Variants in SORD observed in about 807,000 individuals in gnomAD.
The protein encoded by SORD is (R,R)-butanediol dehydrogenase.
In SORD, 18 loss-of-function variants were observed where a neutral mutation model predicts 35.6. The ratio of observed to expected loss-of-function variants is 0.51; its 90% CI spans 0.35 to 0.75. The LOEUF is 0.75. Ranked by LOEUF, SORD falls within the 30% of genes least tolerant of loss-of-function variation. SORD has a pLI of 0.01. For missense variants in SORD, 250 were observed against 390.2 expected (o/e 0.64, Z 3.03); for synonymous variants, 106 against 152.9 (o/e 0.69, Z 2.26).
rs187673626 is a variant in SORD, at chr15:45,060,206, A to G, written c.266-861A>G. ...AGAAGATAGACTGATGGAAGGAGAC[A>G]GAGATGAGACAGAGGGGTAGATGGA... On this transcript the variant is annotated intron_variant, in intron 3 of 8. Coordinates refer to ENST00000267814, the MANE Select transcript of SORD (RefSeq NM_003104.6). Among the ~76,000 whole-genome samples, 194 of 152,346 alleles carry G rather than the reference A, an allele frequency of 1.3e-3. 5 individuals carry two copies. Among genetic ancestry groups the G allele is most frequent in the East Asian group, 0.011 (56 of 5,188 alleles).
intron 1 of SORD, among the ~76,000 whole-genome samples, chr15:45,033,891 A>G (rs902977773): frequency 6.6e-6 from 1 of 151,808 alleles, no homozygotes; most frequent in Non-Finnish European, 1.5e-5. Context: ...ATATTTGGCT[A>G]TTATCTCTCC....
chr15:45,063,356 C>G (rs553302137), intron 4 of SORD, among the ~76,000 whole-genome samples: 4 of 152,176 alleles, frequency 2.6e-5, no homozygotes, highest in South Asian at 4.2e-4. Context: ...ACCAAGTTGC[C>G]TCATCACTCT....
chr15:45,062,374 C>T (rs1277707383), intron 4 of SORD, among the ~76,000 whole-genome samples: 12 of 152,286 alleles, frequency 7.9e-5, no homozygotes, highest in South Asian at 2.1e-4. Flanking sequence ...TTCTGCGTGG[C>T]CCCCCATGGC....
intron 2 of SORD, among the ~76,000 whole-genome samples, chr15:45,042,987 T>C (rs544871609): frequency 6.6e-6 from 1 of 151,826 alleles, no homozygotes; most frequent in South Asian, 2.1e-4. Flanking sequence ...GGTTTAAAAG[T>C]TAACCATGCC....
chr15:45,050,726 T>C (rs1893111737), intron 3 of SORD: 2 of 152,164 alleles, frequency 1.3e-5, no homozygotes, highest in Non-Finnish European at 1.5e-5. Context: ...TTGCCATAAA[T>C]CAAGAATACT....
Position 45,025,283 on chromosome 15 carries a change from C to T in SORD, c.66+1934C>T, listed in dbSNP as rs116557213. Among the ~76,000 whole-genome samples, 881 of 152,200 alleles carry T rather than the reference C, an allele frequency of 5.8e-3. 5 individuals carry two copies. Among genetic ancestry groups the T allele is most frequent in the African/African-American group, 0.019 (786 of 41,508 alleles). ...TCAGTTTGAGAATGGGAAGTGGTAG[C>T]GTCATTTACTAGTCAGAGTAGATTA... On this transcript the variant is annotated intron_variant, in intron 1 of 8. Coordinates refer to ENST00000267814, the MANE Select transcript of SORD (RefSeq NM_003104.6).
chr15:45,046,879 G>A (rs193194120), intron 3 of SORD, among the ~76,000 whole-genome samples: 35 of 152,224 alleles, frequency 2.3e-4, no homozygotes, highest in African/African-American at 5.1e-4. Flanking sequence ...TTAGCCAGAC[G>A]TGGTGGCATG....
At chr15:45,034,956 C>T (rs533332179) in intron 1 of SORD, among the ~76,000 whole-genome samples, 1 of 152,200 alleles carries the variant, frequency 6.6e-6, no homozygotes, top group Non-Finnish European at 1.5e-5. Flanking sequence ...GGTTCCCGGG[C>T]AATGAGGGGC....
intron 4 of SORD, among the ~76,000 whole-genome samples, chr15:45,061,844 G>A (rs139593259): frequency 2.6e-5 from 4 of 151,978 alleles, no homozygotes; most frequent in Non-Finnish European, 4.4e-5. Flanking sequence ...ACTCCAGCCT[G>A]GGCAACAGAC....
chr15:45,039,275 C>T (rs1267883742), intron 1 of SORD, among the ~76,000 whole-genome samples: 16 of 152,096 alleles, frequency 1.1e-4, no homozygotes, highest in Non-Finnish European at 2.2e-4. Flanking sequence ...ACTACAGGCG[C>T]GTGCCACCAC....
intron 1 of SORD, among the ~76,000 whole-genome samples, chr15:45,026,258 G>T (rs1299181471): frequency 6.6e-6 from 1 of 152,192 alleles, no homozygotes; most frequent in African/African-American, 2.4e-5. Context: ...GTAAACCAGA[G>T]ATAGCAACTA....
intron 1 of SORD, among the ~76,000 whole-genome samples, chr15:45,026,802 T>A (rs932795022): frequency 6.6e-6 from 1 of 152,244 alleles, no homozygotes; most frequent in African/African-American, 2.4e-5. Flanking sequence ...TTCCCACTGC[T>A]GCCATCCTAC....
At chr15:45,045,286 C>T (rs894956503) in intron 3 of SORD, among the ~76,000 whole-genome samples, 11 of 151,952 alleles carry the variant, frequency 7.2e-5, no homozygotes, top group Non-Finnish European at 1.6e-4. Context: ...GCCTGTAATC[C>T]CAGCACTTTG....
At position 45,031,311 on chromosome 15, in the gene SORD, AAAC is replaced by A. The variant is rs764353556; in HGVS notation, c.66+7972_66+7974del. 1.4e-3 allele frequency among the ~76,000 whole-genome samples: 124 copies of A among 88,316 alleles called. 1 individual carries two copies. The highest frequency in any genetic ancestry group is 4.8e-3 in the African/African-American group (22 of 4,590). The allele number at this position is 88,316 out of a possible 152,430, so 57.9% of individuals were successfully genotyped here. On this transcript the variant is annotated intron_variant, in intron 1 of 8. Coordinates refer to ENST00000267814, the MANE Select transcript of SORD (RefSeq NM_003104.6). ...CTACAGAATGAGAACCCATCTCTTA[AAAC>A]AACAACAACGACAAAAAAAAAAAAA...
intron 1 of SORD, among the ~76,000 whole-genome samples, chr15:45,030,975 G>A (rs1285220767): frequency 5.3e-5 from 8 of 152,252 alleles, no homozygotes; most frequent in Non-Finnish European, 5.9e-5. Context: ...CCAATTAAAT[G>A]TGAGGCTTTC....
At chr15:45,038,121 ATCCTCCCT>A (rs1291602825) in intron 1 of SORD, among the ~76,000 whole-genome samples, 1 of 142,860 alleles carries the variant, frequency 7.0e-6, no homozygotes, top group Non-Finnish European at 1.5e-5. Flanking sequence ...CTTCCCTCGC[ATCCTCCCT>A]TCCTTCCTTC....
At chr15:45,062,838 A>G (rs891354158) in intron 4 of SORD, among the ~76,000 whole-genome samples, 6 of 130,790 alleles carry the variant, frequency 4.6e-5, no homozygotes, top group African/African-American at 1.4e-4. Context: ...TGTAACCTCA[A>G]TATCCTCGCC....
At chr15:45,032,439 C>T in intron 1 of SORD, among the ~76,000 whole-genome samples, 1 of 151,932 alleles carries the variant, frequency 6.6e-6, no homozygotes, top group Non-Finnish European at 1.5e-5. Flanking sequence ...TCAGTCCCAG[C>T]ATGTCCAAAC....
At chr15:45,056,121 T>C (rs1215692257) in intron 3 of SORD, among the ~76,000 whole-genome samples, 1 of 149,040 alleles carries the variant, frequency 6.7e-6, no homozygotes, top group Non-Finnish European at 1.5e-5. Context: ...TTCAACATAG[T>C]GTTGGAAGTT....
Sources: gnomAD v4.1 joint callset for allele counts (sites outside exome capture counted in the v4.1 genomes callset) on GRCh38, gnomAD v4.1.1 for gene constraint, MANE v1.5 for transcripts, NCBI Gene and HGNC (gene_info 2026-07-23, HGNC 2026-07-21) for gene names.